Variants in RABGAP1 observed in about 807,000 individuals in gnomAD.
RABGAP1 encodes the protein RAB GTPase activating protein 1.
A neutral mutation model predicts 137.6 loss-of-function variants in RABGAP1; 23 were observed. That is an observed-to-expected ratio of 0.17 (90% CI 0.12 to 0.24). The LOEUF (loss-of-function observed/expected upper bound fraction) is 0.24. Ranked by LOEUF, RABGAP1 falls within the 10% of genes least tolerant of loss-of-function variation. RABGAP1 has a pLI of 1.00. For missense variants in RABGAP1, 906 were observed against 1,275.8 expected, an observed-to-expected ratio of 0.71 and a Z score of 4.42; for synonymous variants, 451 against 450.7, an observed-to-expected ratio of 1.00 and a Z score of -0.01.
chr9:123,044,160 C>A (rs2033093722), intron 13 of RABGAP1, among the ~76,000 whole-genome samples: 1 of 152,090 alleles, frequency 6.6e-6, no homozygotes, highest in South Asian at 2.1e-4. Context: ...ATCTCGGCCT[C>A]CCAAAGTGGT....
chr9:123,034,588 A>G, intron 13 of RABGAP1: 1 of 1,607,442 alleles, frequency 6.2e-7, no homozygotes, highest in Non-Finnish European at 8.5e-7. Flanking sequence ...CTTGGATGGT[A>G]ATCAGAGCAG....
intron 13 of RABGAP1, among the ~76,000 whole-genome samples, chr9:123,032,478 G>C (rs576567754): frequency 5.9e-5 from 9 of 152,196 alleles, no homozygotes; most frequent in Non-Finnish European, 1.3e-4. Flanking sequence ...CTATGGCCGC[G>C]TCTGGGACTG....
chr9:122,970,600 C>T (rs1260093488), intron 2 of RABGAP1, among the ~76,000 whole-genome samples: 5 of 152,104 alleles, frequency 3.3e-5, no homozygotes, highest in Admixed American at 3.3e-4. Context: ...AACCCTTATC[C>T]CTCTGTCTCC....
At chr9:123,058,341 C>G (rs1451919393) in intron 13 of RABGAP1, among the ~76,000 whole-genome samples, 2 of 151,844 alleles carry the variant, frequency 1.3e-5, no homozygotes, top group Non-Finnish European at 2.9e-5. Context: ...AAAAATTTTT[C>G]TAAAATCTAC....
chr9:123,089,380 G>A (rs1323030727), intron 19 of RABGAP1, among the ~76,000 whole-genome samples: 6 of 152,172 alleles, frequency 3.9e-5, no homozygotes, highest in South Asian at 2.1e-4. Flanking sequence ...AGCACACCTC[G>A]TAGAGGTGCT....
At chr9:123,010,268 G>A (rs2030680490) in intron 10 of RABGAP1, 86 bp from the exon 11 acceptor site, 1 of 1,232,160 alleles carries the variant, frequency 8.1e-7, no homozygotes, top group South Asian at 1.7e-5. Flanking sequence ...CGAGATCACT[G>A]CAATTAAAAA....
At chr9:123,035,734 T>A in intron 13 of RABGAP1, 1 of 665,420 alleles carries the variant, frequency 1.5e-6, no homozygotes, top group Non-Finnish European at 2.5e-6. Flanking sequence ...GACAGAATAC[T>A]TTGACTCTAA....
At chr9:122,940,998 G>GCGGT (rs1833511569), upstream of RABGAP1, 1 of 141,312 alleles carries the variant, frequency 7.1e-6, no homozygotes, top group Non-Finnish European at 1.6e-5. Flanking sequence ...TGAGTAAAGG[G>GCGGT]GTGGGGGGGC....
At chr9:123,027,915 A>C (rs752889459) in intron 13 of RABGAP1, among the ~76,000 whole-genome samples, 1 of 152,258 alleles carries the variant, frequency 6.6e-6, no homozygotes, top group Non-Finnish European at 1.5e-5. Flanking sequence ...AGCAATTGCT[A>C]CAGTAGGTCC....
chr9:122,977,513 C>G (rs1030304336), intron 2 of RABGAP1, among the ~76,000 whole-genome samples: 2 of 152,236 alleles, frequency 1.3e-5, no homozygotes, highest in Admixed American at 1.3e-4. Context: ...ACCAGCCTGG[C>G]CAACATGGTG....
chr9:123,020,468 G>A lies in RABGAP1; in HGVS notation c.1794+9G>A. 1 of 1,545,332 alleles carries A rather than the reference G, an allele frequency of 6.5e-7. No individual in the cohort carries two copies. Among genetic ancestry groups the A allele is most frequent in the Non-Finnish European group, 8.8e-7 (1 of 1,141,220 alleles). On this transcript the variant is annotated intron_variant, in intron 13 of 25. Transcript: ENST00000373647. ...GCATTCTTATCACAAAGGTAAGGGG[G>A]TGATAATTCAGCTTCAGCATTAATC... is the stretch of plus-strand genomic sequence containing the variant.
chr9:123,000,305 T>G (rs1368271101), intron 10 of RABGAP1, among the ~76,000 whole-genome samples: 1 of 152,174 alleles, frequency 6.6e-6, no homozygotes, highest in Admixed American at 6.5e-5. Flanking sequence ...TACTCTGTCT[T>G]TTTTGTGGGT....
At position 123,070,915 on chromosome 9, in the gene RABGAP1, G is replaced by C. The variant is rs1202869109; in HGVS notation, c.1983+491G>C. ...TGTTAAGGTGAACAGTCTTTATCTA[G>C]TTTACCAATTAATATTTTCCACACT... On this transcript the variant is annotated intron_variant, in intron 15 of 25. Coordinates refer to ENST00000373647, the MANE Select transcript of RABGAP1 (RefSeq NM_012197.4). The surrounding 1 kb of genome is among the most constrained non-coding windows in gnomAD (Gnocchi z 4.4). Among the ~76,000 whole-genome samples, 1 of 152,088 alleles carries C rather than the reference G, an allele frequency of 6.6e-6. No homozygotes were observed. The highest frequency in any genetic ancestry group is 1.5e-5 in the Non-Finnish European group (1 of 68,004).
intron 2 of RABGAP1, among the ~76,000 whole-genome samples, chr9:122,977,838 G>A (rs1835843933): frequency 1.3e-5 from 2 of 152,162 alleles, no homozygotes; most frequent in South Asian, 4.1e-4. Context: ...ATTTGAGATT[G>A]TTTGTTGTTG....
chr9:123,005,982 G>A (rs1170557326), intron 10 of RABGAP1, among the ~76,000 whole-genome samples: 3 of 152,152 alleles, frequency 2.0e-5, no homozygotes, highest in Non-Finnish European at 4.4e-5. Flanking sequence ...CCTTTTTAAT[G>A]TATAAGGGTG....
intron 2 of RABGAP1, among the ~76,000 whole-genome samples, chr9:122,965,214 G>A (rs1268997669): frequency 2.0e-5 from 3 of 152,180 alleles, no homozygotes; most frequent in East Asian, 3.9e-4. Flanking sequence ...TATGCTGAAT[G>A]ACAGTCACAA....
At chr9:123,074,476 TGAG>T (rs765678016) in intron 17 of RABGAP1, 48 bp downstream of exon 17, 22 of 1,524,404 alleles carry the variant, frequency 1.4e-5, no homozygotes, top group African/African-American at 5.6e-5. Flanking sequence ...GCAGTGTACT[TGAG>T]GAGAACAGAT....
intron 2 of RABGAP1, among the ~76,000 whole-genome samples, chr9:122,983,277 C>A (rs1020287705): frequency 1.3e-5 from 2 of 152,034 alleles, no homozygotes; most frequent in African/African-American, 4.8e-5. Context: ...ATTACTCGGC[C>A]CACTTGTAAT....
intron 2 of RABGAP1, among the ~76,000 whole-genome samples, chr9:122,969,626 A>G (rs1349840584): frequency 2.6e-5 from 4 of 152,160 alleles, no homozygotes; most frequent in African/African-American, 9.7e-5. Flanking sequence ...AGCCCCTAGT[A>G]GAATGACTAA....
Sources: gnomAD v4.1 joint callset for allele counts (sites outside exome capture counted in the v4.1 genomes callset) on GRCh38, gnomAD v4.1.1 for gene constraint, Gnocchi (gnomAD v3.1) non-coding constraint, MANE v1.5 for transcripts, NCBI Gene and HGNC (gene_info 2026-07-23, HGNC 2026-07-21) for gene names.